CD86: variants seen among roughly 807,000 people sequenced by gnomAD.
CD86 encodes CD86 molecule.
A neutral mutation model predicts 32.1 loss-of-function variants in CD86; 11 were observed. That is an observed-to-expected ratio of 0.34 (90% CI 0.22 to 0.57). The LOEUF (loss-of-function observed/expected upper bound fraction) is 0.57. Ranked by LOEUF, CD86 falls within the 20% of genes least tolerant of loss-of-function variation. The probability of loss-of-function intolerance (pLI) is 0.86; values close to 1 mark genes in which losing one functional copy is unlikely to be tolerated. For missense variants in CD86, 359 were observed against 398.4 expected (o/e 0.90, Z 0.84); for synonymous variants, 137 against 135.3 (o/e 1.01, Z -0.09).
chr3:122,112,037 A>T (rs2073182013), intron 5 of CD86, among the ~76,000 whole-genome samples: 1 of 152,226 alleles, frequency 6.6e-6, no homozygotes, highest in African/African-American at 2.4e-5. Flanking sequence ...AATAGGGCAG[A>T]TAAGGCATGA....
At chr3:122,102,752 G>A (rs547478908) in intron 2 of CD86, among the ~76,000 whole-genome samples, 12 of 152,156 alleles carry the variant, frequency 7.9e-5, no homozygotes, top group Admixed American at 3.3e-4. Context: ...ACCACAATCC[G>A]AAAACAGCCA....
chr3:122,109,147 C>A, intron 4 of CD86, 118 bp from the exon 5 acceptor site: 1 of 1,033,608 alleles, frequency 9.7e-7, no homozygotes. Context: ...GGATTTCAGG[C>A]TTCTCTGGCC....
At chr3:122,079,173 G>A (rs2072595758) in intron 1 of CD86, among the ~76,000 whole-genome samples, 1 of 152,166 alleles carries the variant, frequency 6.6e-6, no homozygotes. Flanking sequence ...GTGCTTTAAA[G>A]GGAAGGAAAT....
At chr3:122,095,292 C>G (rs1230756410) in intron 2 of CD86, among the ~76,000 whole-genome samples, 1 of 151,904 alleles carries the variant, frequency 6.6e-6, no homozygotes, top group Non-Finnish European at 1.5e-5. Flanking sequence ...TTGCCTCAGC[C>G]TCCCAAGTAG....
intron 1 of CD86, among the ~76,000 whole-genome samples, chr3:122,070,588 A>G (rs1343204795): frequency 1.3e-5 from 2 of 152,222 alleles, no homozygotes; most frequent in East Asian, 3.8e-4. Context: ...AACTCATTAC[A>G]TTTCTAAGAA....
intron 2 of CD86, 93 bp from the exon 3 acceptor site, chr3:122,103,419 A>AAGAT (rs2073040856): frequency 1.3e-6 from 1 of 772,192 alleles, no homozygotes; most frequent in Non-Finnish European, 2.1e-6. Flanking sequence ...GATTACTGAT[A>AAGAT]AGATAGTATC....
chr3:122,073,430 A>T (rs2072516658), intron 1 of CD86, among the ~76,000 whole-genome samples: 1 of 152,026 alleles, frequency 6.6e-6, no homozygotes, highest in South Asian at 2.1e-4. Flanking sequence ...CCTTTATCAG[A>T]TATATCTTTT....
rs200945614 is a variant in CD86, at chr3:122,087,294, G to A, written c.15-4307G>A. On this transcript the variant is annotated intron_variant, in intron 1 of 6. Transcript: ENST00000330540. ...AAATCTCCTCTCAGAGAATCCCCCC[G>A]GTAAATTCTTAGGTTCTTTCCTCTT... Among the ~76,000 whole-genome samples, 67 of 151,844 alleles carry A rather than the reference G, an allele frequency of 4.4e-4. No homozygotes were observed. The East Asian group carries it at 0.011, about 25-fold the overall frequency.
At chr3:122,064,520 G>A (rs963111850) in intron 1 of CD86, among the ~76,000 whole-genome samples, 1 of 152,238 alleles carries the variant, frequency 6.6e-6, no homozygotes, top group South Asian at 2.1e-4. Context: ...GCTCCATGAC[G>A]TATGAATGGC....
chr3:122,060,356 C>T (rs2072315706), intron 1 of CD86, among the ~76,000 whole-genome samples: 1 of 152,120 alleles, frequency 6.6e-6, no homozygotes, highest in Admixed American at 6.5e-5. Flanking sequence ...ATGGAGGCAG[C>T]ACAGATGGTC....
chr3:122,119,508 T>C lies in CD86; in HGVS notation c.964T>C (p.Cys322Arg), dbSNP rs1250099854. Residue 322 changes from cysteine (C) to arginine (R), a missense_variant, in exon 7 of 7, where the codon TGC becomes CGC. Cys to Arg is a radical substitution (Grantham distance 180). Coordinates refer to ENST00000330540, the MANE Select transcript of CD86 (RefSeq NM_175862.5). ...TTTTAAAAGTTCGAAGACATCTTCA[T>C]GCGACAAAAGTGATACATGTTTTTA... ...RVFKSSKTSS[C>R]DKSDTCF is the part of the protein sequence containing the mutation. 1 of 1,606,524 alleles carries C rather than the reference T, an allele frequency of 6.2e-7. No individual in the cohort carries two copies. Among genetic ancestry groups the C allele is most frequent in the Non-Finnish European group, 8.5e-7 (1 of 1,173,190 alleles).
At chr3:122,063,874 C>A (rs2072375224) in intron 1 of CD86, among the ~76,000 whole-genome samples, 1 of 152,116 alleles carries the variant, frequency 6.6e-6, no homozygotes, top group Admixed American at 6.6e-5. Flanking sequence ...AGAAAGAAAG[C>A]TCCATATCAG....
At chr3:122,074,428 G>T (rs2072530270) in intron 1 of CD86, among the ~76,000 whole-genome samples, 1 of 152,172 alleles carries the variant, frequency 6.6e-6, no homozygotes, top group Non-Finnish European at 1.5e-5. Context: ...CATCAAGAAA[G>T]CTTAGAAAAC....
At chr3:122,075,122 A>G (rs949613587) in intron 1 of CD86, among the ~76,000 whole-genome samples, 1 of 151,610 alleles carries the variant, frequency 6.6e-6, no homozygotes, top group Non-Finnish European at 1.5e-5. Context: ...GTGGTCAGCA[A>G]CCCCCTGCAA....
intron 1 of CD86, 42 bp from the exon 2 acceptor site, chr3:122,091,559 C>T (rs2072821712): frequency 6.7e-7 from 1 of 1,483,372 alleles, no homozygotes; most frequent in Non-Finnish European, 9.2e-7. Flanking sequence ...TTTTCAGTTT[C>T]CTTTTCTAAT....
chr3:122,103,255 T>G (rs1376627330), intron 2 of CD86, among the ~76,000 whole-genome samples: 1 of 151,984 alleles, frequency 6.6e-6, no homozygotes, highest in African/African-American at 2.4e-5. Context: ...GTCAACCACT[T>G]CATTAATCAG....
intron 3 of CD86, among the ~76,000 whole-genome samples, chr3:122,104,515 C>T (rs1475203732): frequency 6.6e-6 from 1 of 152,034 alleles, no homozygotes; most frequent in Non-Finnish European, 1.5e-5. Flanking sequence ...TACTGTTCTA[C>T]TGATTGTATA....
Position 122,119,835 on chromosome 3 carries a change from G to T in CD86, c.*301G>T. 1 of 218,298 alleles carries T rather than the reference G, an allele frequency of 4.6e-6. No homozygotes were observed. 13.5% of individuals were successfully genotyped at this position (218,298 alleles called of 1,614,324 possible). ...TAGGACCAATACCTCCTCCAGATCA[G>T]ATTCTTCTCTTAATTTCATAGATTG... On this transcript the variant is annotated 3_prime_UTR_variant, in exon 7 of 7. Transcript: ENST00000330540.
intron 1 of CD86, chr3:122,077,872 C>T (rs1344878695): frequency 2.1e-5 from 21 of 985,318 alleles, no homozygotes; most frequent in Non-Finnish European, 2.3e-5. Flanking sequence ...TGAGTTCTAC[C>T]GTCAGTCCTG....
Sources: allele counts gnomAD v4.1 joint callset (sites outside exome capture counted in the v4.1 genomes callset), GRCh38; gene constraint gnomAD v4.1.1; transcripts MANE v1.5; gene names NCBI Gene and HGNC (gene_info 2026-07-23, HGNC 2026-07-21).